The following PRKCE variants were observed in gnomAD, a reference collection of about 807,000 sequenced individuals.
PRKCE encodes the protein protein kinase C epsilon type.
In PRKCE, 16 loss-of-function variants were observed where a neutral mutation model predicts 85.4. The observed-to-expected ratio is 0.19, with a 90% confidence interval of 0.13 to 0.28. PRKCE has a LOEUF of 0.28. Ranked by LOEUF, PRKCE falls within the 10% of genes least tolerant of loss-of-function variation. PRKCE has a pLI of 1.00. For synonymous variants in PRKCE, 388 were observed against 371.5 expected (o/e 1.04, Z -0.51); for missense variants, 573 against 975.2 (o/e 0.59, Z 5.49).
chr2:45,933,209 G>A (rs1196926577), intron 2 of PRKCE, among the ~76,000 whole-genome samples: 5 of 152,236 alleles, frequency 3.3e-5, no homozygotes, highest in African/African-American at 1.2e-4. Flanking sequence ...GGTCTTCATA[G>A]ATATTGGATA....
intron 1 of PRKCE, among the ~76,000 whole-genome samples, chr2:45,830,871 C>A (rs1222590543): frequency 1.3e-5 from 2 of 152,156 alleles, no homozygotes; most frequent in Non-Finnish European, 1.5e-5. Context: ...TGAGAACAGG[C>A]ATGAAAGATT....
chr2:45,799,819 C>A (rs912153444), intron 1 of PRKCE, among the ~76,000 whole-genome samples: 1 of 152,102 alleles, frequency 6.6e-6, no homozygotes, highest in African/African-American at 2.4e-5. Flanking sequence ...GAAGTAGTTA[C>A]CAGAATCAGG....
intron 1 of PRKCE, among the ~76,000 whole-genome samples, chr2:45,739,983 C>G (rs1170668410): frequency 6.6e-6 from 1 of 152,054 alleles, no homozygotes; most frequent in Admixed American, 6.5e-5. Flanking sequence ...AATCTAATAT[C>G]AAGAACAAGA....
At chr2:45,954,996 C>T (rs1700872737) in intron 2 of PRKCE, among the ~76,000 whole-genome samples, 1 of 152,070 alleles carries the variant, frequency 6.6e-6, no homozygotes, top group East Asian at 1.9e-4. Flanking sequence ...TGGGAAGAAG[C>T]ATGCAAAATA....
intron 2 of PRKCE, among the ~76,000 whole-genome samples, chr2:45,967,489 C>A (rs1339070365): frequency 6.6e-6 from 1 of 152,118 alleles, no homozygotes; most frequent in Non-Finnish European, 1.5e-5. Flanking sequence ...ACCACCCTTG[C>A]GAAGCCTGGT....
chr2:45,965,323 A>G (rs973080736), intron 2 of PRKCE, among the ~76,000 whole-genome samples: 2 of 152,218 alleles, frequency 1.3e-5, no homozygotes, highest in Non-Finnish European at 2.9e-5. Flanking sequence ...ATTATCATCT[A>G]TTGTTCTATG....
intron 2 of PRKCE, among the ~76,000 whole-genome samples, chr2:45,877,101 G>T (rs768776909): frequency 1.3e-5 from 2 of 152,028 alleles, no homozygotes; most frequent in South Asian, 2.1e-4. Context: ...TTGTTTGTTT[G>T]TTTGTTGCTA....
chr2:45,915,729 G>A lies in PRKCE; in HGVS notation c.413-60700G>A, dbSNP rs540368968. On this transcript the variant is annotated intron_variant, in intron 2 of 14. Coordinates refer to ENST00000306156, the MANE Select transcript of PRKCE (RefSeq NM_005400.3). ...CAGTCGCGGCCTTGTTTTGGTGCTG[G>A]TTGATTCACATGTGCCCTTGGTCTC... 6.8e-4 allele frequency among the ~76,000 whole-genome samples: 103 copies of A among 152,290 alleles called. 2 individuals carry two copies. The South Asian group carries it at 0.021, about 31-fold the overall frequency.
rs528217486 is a variant in PRKCE, at chr2:46,085,762, T to G, written c.1438-446T>G. On this transcript the variant is annotated intron_variant, in intron 10 of 14. Coordinates refer to ENST00000306156, the MANE Select transcript of PRKCE (RefSeq NM_005400.3). ...TTTTTTTTTTTTGTTTTTGTTTTTTTTTTTTTTTTTAGCCATATAAGGTAA... is the reference window on the plus strand; with the variant it reads ...TTTTTTTTTTTTGTTTTTGTTTTTTGTTTTTTTTTTAGCCATATAAGGTAA... Among the ~76,000 whole-genome samples the G allele has an allele frequency of 0.016, 1,412 of 88,174 alleles. 152 individuals are homozygous for G. The East Asian group carries it at 0.19, about 12-fold the overall frequency. 57.8% of individuals were successfully genotyped at this position (88,174 alleles called of 152,430 possible).
intron 1 of PRKCE, among the ~76,000 whole-genome samples, chr2:45,673,714 G>C (rs1676284414): frequency 2.0e-5 from 3 of 152,174 alleles, no homozygotes; most frequent in African/African-American, 7.2e-5. Flanking sequence ...AAAAGCTTAG[G>C]TTGAACAAGT....
At chr2:45,778,056 A>G (rs1685890108) in intron 1 of PRKCE, among the ~76,000 whole-genome samples, 1 of 129,748 alleles carries the variant, frequency 7.7e-6, no homozygotes, top group South Asian at 2.7e-4. Flanking sequence ...GGAGCAAGTC[A>G]ATTTATCTCT....
chr2:45,727,839 G>A (rs570723494), intron 1 of PRKCE, among the ~76,000 whole-genome samples: 1 of 152,028 alleles, frequency 6.6e-6, no homozygotes. Context: ...ATTTTTAGTA[G>A]AGACGGGGTT....
chr2:45,943,148 G>C (rs1700003739), intron 2 of PRKCE, among the ~76,000 whole-genome samples: 1 of 152,156 alleles, frequency 6.6e-6, no homozygotes, highest in African/African-American at 2.4e-5. Flanking sequence ...GAGGCTTTAA[G>C]AGCTCATTTT....
intron 2 of PRKCE, among the ~76,000 whole-genome samples, chr2:45,879,114 G>C (rs1240184442): frequency 6.6e-6 from 1 of 152,102 alleles, no homozygotes; most frequent in Non-Finnish European, 1.5e-5. Context: ...GGCCCACCCT[G>C]CCCCTGCATC....
chr2:46,124,166 A>T (rs1271300246), intron 11 of PRKCE, among the ~76,000 whole-genome samples: 1 of 152,152 alleles, frequency 6.6e-6, no homozygotes, highest in Non-Finnish European at 1.5e-5. Flanking sequence ...CTCTACTAAA[A>T]ATACAAGAAT....
intron 1 of PRKCE, among the ~76,000 whole-genome samples, chr2:45,784,491 T>C (rs1343887521): frequency 6.6e-6 from 1 of 152,176 alleles, no homozygotes; most frequent in African/African-American, 2.4e-5. Flanking sequence ...CGTGTTGGGA[T>C]TTGCAAAGTC....
chr2:45,736,330 C>T (rs774992774), intron 1 of PRKCE, among the ~76,000 whole-genome samples: 1 of 152,110 alleles, frequency 6.6e-6, no homozygotes, highest in Non-Finnish European at 1.5e-5. Flanking sequence ...TCACTTGCCC[C>T]AGGTCAGAGA....
chr2:46,161,315 C>T (rs1677737257), intron 14 of PRKCE, among the ~76,000 whole-genome samples: 1 of 152,242 alleles, frequency 6.6e-6, no homozygotes, highest in Non-Finnish European at 1.5e-5. Flanking sequence ...ACTAAAGGCT[C>T]AGATGGTAGG....
Position 46,004,197 on chromosome 2 carries a change from T to A in PRKCE, c.967-345T>A, listed in dbSNP as rs915575639. 1 of 321,220 alleles carries A rather than the reference T, an allele frequency of 3.1e-6. No homozygotes were observed. The highest frequency in any genetic ancestry group is 2.2e-5 in the African/African-American group (1 of 46,328). 19.9% of individuals were successfully genotyped at this position (321,220 alleles called of 1,614,324 possible). On this transcript the variant is annotated intron_variant, in intron 7 of 14. Transcript: ENST00000306156. The surrounding 1 kb of genome is among the most constrained non-coding windows in gnomAD (Gnocchi z 4.1). The stretch of plus-strand genomic sequence containing the variant: ...TTTTCCAGCTTGCTAACCTTTATGG[T>A]GTCCTCGCACAACCCGAACTACTTC...
Sources: allele counts gnomAD v4.1 joint callset (sites outside exome capture counted in the v4.1 genomes callset), GRCh38; gene constraint gnomAD v4.1.1; non-coding constraint Gnocchi (gnomAD v3.1); transcripts MANE v1.5; gene names NCBI Gene and HGNC (gene_info 2026-07-23, HGNC 2026-07-21).